TNFRSF12A: variants seen among roughly 807,000 people sequenced by gnomAD.
TNFRSF12A encodes the protein tumor necrosis factor receptor superfamily member 12A.
In TNFRSF12A, 13 loss-of-function variants were observed where a neutral mutation model predicts 15.5. That is an observed-to-expected ratio of 0.84 (90% confidence interval 0.54 to 1.33). The LOEUF (loss-of-function observed/expected upper bound fraction) is 1.33, where lower values mean the gene tolerates loss of function less well. Among genes scored for constraint, TNFRSF12A ranks in the 40% most tolerant of loss-of-function variants. The pLI is 0.00. For synonymous variants in TNFRSF12A, 89 were observed against 78.4 expected, an observed-to-expected ratio of 1.14 and a Z score of -0.71; for missense variants, 174 against 173.6, an observed-to-expected ratio of 1.00 and a Z score of -0.01.
intron 1 of TNFRSF12A, 24 bp from the exon 2 acceptor site, chr16:3,021,191 T>A: frequency 7.6e-7 from 1 of 1,319,972 alleles, no homozygotes; most frequent in Non-Finnish European, 1.0e-6. Flanking sequence ...GCCCCCAGCC[T>A]CTGACCCGAG....
chr16:3,022,151 G>C lies in TNFRSF12A; in HGVS notation c.*325G>C, dbSNP rs2072619898. 1 of 435,306 alleles carries C rather than the reference G, an allele frequency of 2.3e-6. No individual in the cohort carries two copies. The highest frequency in any genetic ancestry group is 4.0e-6 in the Non-Finnish European group (1 of 247,738). 27.0% of individuals were successfully genotyped at this position (435,306 alleles called of 1,614,324 possible). A position where few individuals can be genotyped will look rare whatever the true frequency, so the allele number is the denominator to read the frequency against. On this transcript the variant is annotated 3_prime_UTR_variant, in exon 4 of 4. Transcript: ENST00000326577. ...GAGGCCCTGGGGGCCAGGCTGACTT[G>C]GGGGGCAGACTTGACACTAGGCCCC...
At chr16:3,021,390 G>A in intron 2 of TNFRSF12A, 71 bp downstream of exon 2, 1 of 1,444,496 alleles carries the variant, frequency 6.9e-7, no homozygotes, top group Non-Finnish European at 9.2e-7. Flanking sequence ...GCGCAGAGCG[G>A]GGCCGAGAGC....
In TNFRSF12A at chr16:3,021,306, C is replaced by T. The variant is rs964761308; in HGVS notation, c.186C>T (p.Asp62=). Residue 62 remains aspartate (D), a synonymous_variant, in exon 2 of 4, where the codon GAC becomes GAT. Coordinates refer to ENST00000326577, the MANE Select transcript of TNFRSF12A (RefSeq NM_016639.3). ...CTTGCAGGGCGCGACCGCACAGCGA[C>T]TTCTGCCTGGGCTGTGAGTGGGGGG... is the stretch of plus-strand genomic sequence containing the variant. ...CASCRARPHS[D]FCLGCAAAPP... The T allele has an allele frequency of 1.3e-6, 2 of 1,583,128 alleles. No individual in the cohort carries two copies. The highest frequency in any genetic ancestry group is 3.6e-5 in the Admixed American group (2 of 55,930).
chr16:3,021,550 C>G lies in TNFRSF12A; in HGVS notation c.200-5C>G, dbSNP rs778328575. On this transcript the variant is annotated splice_polypyrimidine_tract_variant and splice_region_variant and intron_variant, in intron 2 of 3. Coordinates refer to ENST00000326577, the MANE Select transcript of TNFRSF12A (RefSeq NM_016639.3). ...GCGAGGTCTGACTCCGAGTCCCGCC[C>G]CCAGGCGCTGCAGCACCTCCTGCCC... The G allele has an allele frequency of 6.2e-7, 1 of 1,600,474 alleles. No homozygotes were observed. Among genetic ancestry groups the G allele is most frequent in the East Asian group, 2.2e-5 (1 of 44,560 alleles).
At chr16:3,021,411 G>A in intron 2 of TNFRSF12A, 92 bp downstream of exon 2, 1 of 1,427,224 alleles carries the variant, frequency 7.0e-7, no homozygotes, top group Non-Finnish European at 9.3e-7. Flanking sequence ...TTTGCATCTG[G>A]GAAATCATTC....
Position 3,020,504 on chromosome 16 carries a change from C to T in TNFRSF12A, c.94+13C>T. 7.8e-7 allele frequency: 1 copy of T among 1,289,044 alleles called. No homozygotes were observed. The allele number at this position is 1,289,044 out of a possible 1,614,324, so 79.9% of individuals were successfully genotyped here. The stretch of plus-strand genomic sequence containing the variant: ...GAGCAAGCGCCAGGTACGCGGGACT[C>T]CGGGGTCGGGGAACCCCGGGCCGGG... On this transcript the variant is annotated intron_variant, in intron 1 of 3. Transcript: ENST00000326577.
chr16:3,021,862 A>ATCAT lies in TNFRSF12A; in HGVS notation c.*45_*48dup, dbSNP rs2072615557. On this transcript the variant is annotated 3_prime_UTR_variant, in exon 4 of 4. Transcript: ENST00000326577. Reference sequence around the variant, plus strand: ...CCTGCCAGCCGGGGCTCGCCCACTCATCATTCATTCATCCATTCTAGAGCC... The same window carrying ATCAT: ...CCTGCCAGCCGGGGCTCGCCCACTCATCATTCATTCATTCATCCATTCTAGAGCC... The ATCAT allele has an allele frequency of 6.2e-7, 1 of 1,604,848 alleles. No individual in the cohort carries two copies. The highest frequency in any genetic ancestry group is 1.3e-5 in the African/African-American group (1 of 74,740).
In TNFRSF12A at chr16:3,020,454, G is replaced by A. The variant is rs773573819; in HGVS notation, c.57G>A (p.Leu19=). ...GGCTCCTCGTGCTGGGGCTCTGGCT[G>A]GCGTTGCTGCGCTCCGTGGCCGGGG... is the stretch of plus-strand genomic sequence containing the variant. The part of the protein sequence containing the change: ...LLRLLVLGLW[L]ALLRSVAGEQ... The change falls in exon 1 of 4, where the codon CTG becomes CTA. Residue 19 remains leucine (L), a synonymous_variant. Coordinates refer to ENST00000326577, the MANE Select transcript of TNFRSF12A (RefSeq NM_016639.3). 7.7e-7 allele frequency: 1 copy of A among 1,294,876 alleles called. No homozygotes were observed. Among genetic ancestry groups the A allele is most frequent in the South Asian group, 3.2e-5 (1 of 31,036 alleles). The allele number at this position is 1,294,876 out of a possible 1,614,324, so 80.2% of individuals were successfully genotyped here. A position where few individuals can be genotyped will look rare whatever the true frequency, so the allele number is the denominator to read the frequency against.
At chr16:3,021,505 CGG>C in intron 2 of TNFRSF12A, 48 bp from the exon 3 acceptor site, 1 of 1,522,132 alleles carries the variant, frequency 6.6e-7, no homozygotes. Flanking sequence ...TCTTAGGGGG[CGG>C]GGCTGGCCTG....
intron 2 of TNFRSF12A, 66 bp from the exon 3 acceptor site, chr16:3,021,489 G>T: frequency 1.3e-6 from 2 of 1,484,496 alleles, no homozygotes; most frequent in Non-Finnish European, 8.9e-7. Flanking sequence ...AAGGCAGAAG[G>T]CTCAGTCTTA....
At position 3,021,938 on chromosome 16, in the gene TNFRSF12A, G is replaced by T. The variant is rs569870196; in HGVS notation, c.*112G>T. 37 of 1,228,264 alleles carry T rather than the reference G, an allele frequency of 3.0e-5. No homozygotes were observed. The Admixed American group carries it at 3.7e-4, about 12-fold the overall frequency. The allele number at this position is 1,228,264 out of a possible 1,614,324, so 76.1% of individuals were successfully genotyped here. ...GAGCCAAGCTCCTCCAACCACAAGG[G>T]GGGTGGGGGGCGGTGAATCACCTCT... is the stretch of plus-strand genomic sequence containing the variant. On this transcript the variant is annotated 3_prime_UTR_variant, in exon 4 of 4. Coordinates refer to ENST00000326577, the MANE Select transcript of TNFRSF12A (RefSeq NM_016639.3).
At chr16:3,021,022 C>T (rs1026014376) in intron 1 of TNFRSF12A, 193 bp from the exon 2 acceptor site, 4 of 491,848 alleles carry the variant, frequency 8.1e-6, no homozygotes, top group Non-Finnish European at 1.4e-5. Context: ...CCTGACCCCC[C>T]CCACCCCCAG....
At position 3,021,333 on chromosome 16, in the gene TNFRSF12A, A is replaced by G; in HGVS notation, c.199+14A>G. ...TCTGCCTGGGCTGTGAGTGGGGGGC[A>G]GGGCCAGTGGCCAGCGGACCCCAGA... On this transcript the variant is annotated intron_variant, in intron 2 of 3. Coordinates refer to ENST00000326577, the MANE Select transcript of TNFRSF12A (RefSeq NM_016639.3). The G allele has an allele frequency of 6.4e-7, 1 of 1,557,624 alleles. No individual in the cohort carries two copies.
In TNFRSF12A at chr16:3,022,152, G is replaced by C. The variant is rs2072619997; in HGVS notation, c.*326G>C. The C allele has an allele frequency of 1.1e-5, 5 of 436,100 alleles. No homozygotes were observed. Among genetic ancestry groups the C allele is most frequent in the Middle Eastern group, 5.8e-4 (1 of 1,736 alleles). The allele number at this position is 436,100 out of a possible 1,614,324, so 27.0% of individuals were successfully genotyped here. A position where few individuals can be genotyped will look rare whatever the true frequency, so the allele number is the denominator to read the frequency against. On this transcript the variant is annotated 3_prime_UTR_variant, in exon 4 of 4. Coordinates refer to ENST00000326577, the MANE Select transcript of TNFRSF12A (RefSeq NM_016639.3). ...AGGCCCTGGGGGCCAGGCTGACTTG[G>C]GGGGCAGACTTGACACTAGGCCCCA...
In TNFRSF12A at chr16:3,020,506, G is replaced by A. The variant is rs2072600204; in HGVS notation, c.94+15G>A. 1.6e-6 allele frequency: 2 copies of A among 1,288,124 alleles called. No individual in the cohort carries two copies. Among genetic ancestry groups the A allele is most frequent in the African/African-American group, 1.5e-5 (1 of 66,016 alleles). 79.8% of individuals were successfully genotyped at this position (1,288,124 alleles called of 1,614,324 possible). Reference sequence around the variant, plus strand: ...GCAAGCGCCAGGTACGCGGGACTCCGGGGTCGGGGAACCCCGGGCCGGGGC... The same window carrying A: ...GCAAGCGCCAGGTACGCGGGACTCCAGGGTCGGGGAACCCCGGGCCGGGGC... On this transcript the variant is annotated intron_variant, in intron 1 of 3. Transcript: ENST00000326577.
At position 3,021,256 on chromosome 16, in the gene TNFRSF12A, C is replaced by A; in HGVS notation, c.136C>A (p.Leu46Met). Residue 46 changes from leucine (L) to methionine (M), a missense_variant, in exon 2 of 4, where the codon CTG becomes ATG. Leu to Met is a conservative substitution (Grantham distance 15). Transcript: ENST00000326577. ...CCGCGGCAGCTCCTGGAGCGCGGAC[C>A]TGGACAAGTGCATGGACTGCGCGTC... ...CSRGSSWSAD[L>M]DKCMDCASCR... 1 of 1,594,648 alleles carries A rather than the reference C, an allele frequency of 6.3e-7. No individual in the cohort carries two copies. Among genetic ancestry groups the A allele is most frequent in the Non-Finnish European group, 8.5e-7 (1 of 1,175,848 alleles).
In TNFRSF12A at chr16:3,021,976, C is replaced by A. The variant is rs1451133956; in HGVS notation, c.*150C>A. ...GTGAATCACCTCTGAGGCCTGGGCC[C>A]AGGGTTCAGGGGAACCTTCCAAGGT... is the stretch of plus-strand genomic sequence containing the variant. On this transcript the variant is annotated 3_prime_UTR_variant, in exon 4 of 4. Coordinates refer to ENST00000326577, the MANE Select transcript of TNFRSF12A (RefSeq NM_016639.3). 1 of 789,430 alleles carries A rather than the reference C, an allele frequency of 1.3e-6. No individual in the cohort carries two copies. Among genetic ancestry groups the A allele is most frequent in the Admixed American group, 2.8e-5 (1 of 35,388 alleles). The allele number at this position is 789,430 out of a possible 1,614,324, so 48.9% of individuals were successfully genotyped here.
In TNFRSF12A at chr16:3,021,677, GAGA is replaced by G. The variant is rs766445838; in HGVS notation, c.325_327del (p.Lys109del). 46 of 1,613,740 alleles carry G rather than the reference GAGA, an allele frequency of 2.9e-5. No homozygotes were observed. The African/African-American group carries it at 4.7e-4, about 16-fold the overall frequency. The stretch of plus-strand genomic sequence containing the variant: ...GGTCTGGAGACGATGCCGCAGGAGA[GAGA>G]AGTTCACCAGTAAGTGTGCCCTGGC... On this transcript the variant is annotated inframe_deletion, in exon 3 of 4. Coordinates refer to ENST00000326577, the MANE Select transcript of TNFRSF12A (RefSeq NM_016639.3).
In TNFRSF12A at chr16:3,021,214, G is replaced by A; in HGVS notation, c.95-1G>A. The A allele has an allele frequency of 3.9e-6, 6 of 1,556,238 alleles. No homozygotes were observed. The highest frequency in any genetic ancestry group is 5.2e-6 in the Non-Finnish European group (6 of 1,155,796). ...CCTCTGACCCGAGGCCCCCTCCCCAGGCACCGCCCCCTGCTCCCGCGGCAG... is the reference window on the plus strand; with the variant it reads ...CCTCTGACCCGAGGCCCCCTCCCCAAGCACCGCCCCCTGCTCCCGCGGCAG... On this transcript the variant is annotated splice_acceptor_variant, in intron 1 of 3. Coordinates refer to ENST00000326577, the MANE Select transcript of TNFRSF12A (RefSeq NM_016639.3). LOFTEE classifies it high-confidence loss of function.
Sources: gnomAD v4.1 joint callset for allele counts on GRCh38, gnomAD v4.1.1 for gene constraint, MANE v1.5 for transcripts, NCBI Gene and HGNC (gene_info 2026-07-23, HGNC 2026-07-21) for gene names.